The following SYNPR variants were observed in gnomAD, a reference collection of about 807,000 sequenced individuals.
SYNPR encodes the protein synaptoporin.
A neutral mutation model predicts 32.9 loss-of-function variants in SYNPR; 23 were observed. That is an observed-to-expected ratio of 0.70 (90% CI 0.50 to 0.99). The LOEUF (loss-of-function observed/expected upper bound fraction) is 0.99, where lower values mean the gene tolerates loss of function less well. SYNPR is among the 50% of genes least tolerant of loss of function. SYNPR has a pLI of 0.00. For missense variants in SYNPR, 318 were observed against 349.3 expected (o/e 0.91, Z 0.71); for synonymous variants, 146 against 135.9 (o/e 1.07, Z -0.52).
upstream of SYNPR, among the ~76,000 whole-genome samples, chr3:63,224,174 C>T (rs969508291): frequency 6.6e-5 from 10 of 152,276 alleles, no homozygotes; most frequent in African/African-American, 2.4e-4. Context: ...GAGTGGCAGG[C>T]AAGCCAGCAT....
chr3:63,475,720 C>G (rs1054853803), intron 2 of SYNPR, among the ~76,000 whole-genome samples: 1 of 152,108 alleles, frequency 6.6e-6, no homozygotes, highest in Non-Finnish European at 1.5e-5. Flanking sequence ...ACACCAACCC[C>G]CTCACACTGT....
At chr3:63,492,355 T>G (rs2106718326) in intron 3 of SYNPR, among the ~76,000 whole-genome samples, 1 of 152,220 alleles carries the variant, frequency 6.6e-6, no homozygotes, top group Non-Finnish European at 1.5e-5. Flanking sequence ...TAAGAGAGAG[T>G]TAGACCTCTA....
chr3:63,467,690 A>G (rs1487369528), intron 2 of SYNPR, among the ~76,000 whole-genome samples: 1 of 152,230 alleles, frequency 6.6e-6, no homozygotes, highest in Non-Finnish European at 1.5e-5. Context: ...AATACCACAT[A>G]ACAATATGCT....
the SYNPR span, among the ~76,000 whole-genome samples, chr3:63,209,012 C>G: frequency 6.6e-6 from 1 of 152,044 alleles, no homozygotes; most frequent in Non-Finnish European, 1.5e-5. Context: ...TCTCCTCTAA[C>G]GTTTACCTTA....
chr3:63,376,664 A>G (rs1478762954), intron 2 of SYNPR, among the ~76,000 whole-genome samples: 3 of 152,120 alleles, frequency 2.0e-5, no homozygotes, highest in Non-Finnish European at 4.4e-5. Flanking sequence ...GAATCTGAGA[A>G]GATTCTTCTG....
chr3:63,557,195 G>C (rs1219290558), intron 4 of SYNPR, among the ~76,000 whole-genome samples: 1 of 151,974 alleles, frequency 6.6e-6, no homozygotes, highest in Admixed American at 6.6e-5. Flanking sequence ...AATGGTCCAA[G>C]GACTCATATG....
At chr3:63,254,988 C>T (rs765362694) in intron 2 of SYNPR, among the ~76,000 whole-genome samples, 1 of 152,244 alleles carries the variant, frequency 6.6e-6, no homozygotes, top group South Asian at 2.1e-4. Context: ...TGCCTTTAGA[C>T]ACCTTGATCT....
chr3:63,348,531 T>C (rs1212674234), intron 2 of SYNPR, among the ~76,000 whole-genome samples: 3 of 152,226 alleles, frequency 2.0e-5, no homozygotes, highest in Non-Finnish European at 4.4e-5. Flanking sequence ...GCTTTTTAGT[T>C]TAATTAAGTC....
At chr3:63,387,847 G>A (rs905337459) in intron 2 of SYNPR, among the ~76,000 whole-genome samples, 10 of 152,190 alleles carry the variant, frequency 6.6e-5, no homozygotes, top group Admixed American at 5.9e-4. Flanking sequence ...TACTGAGACC[G>A]ACTGCTATGT....
intron 2 of SYNPR, among the ~76,000 whole-genome samples, chr3:63,411,924 T>C (rs939401781): frequency 6.6e-6 from 1 of 152,056 alleles, no homozygotes; most frequent in Non-Finnish European, 1.5e-5. Context: ...ATTTTGACCA[T>C]AGTAGGAACA....
At chr3:63,487,049 C>T (rs183306418) in intron 3 of SYNPR, among the ~76,000 whole-genome samples, 1 of 152,244 alleles carries the variant, frequency 6.6e-6, no homozygotes, top group East Asian at 1.9e-4. Flanking sequence ...AACCTTACAA[C>T]CTTTCTCCTC....
chr3:63,317,348 A>G (rs1413740854), intron 2 of SYNPR, among the ~76,000 whole-genome samples: 1 of 151,658 alleles, frequency 6.6e-6, no homozygotes, highest in East Asian at 2.0e-4. Context: ...GTCCCTCACT[A>G]TTATTGTGTT....
At chr3:63,540,437 T>C (rs1022707016) in intron 3 of SYNPR, among the ~76,000 whole-genome samples, 2 of 151,920 alleles carry the variant, frequency 1.3e-5, no homozygotes, top group African/African-American at 2.4e-5. Flanking sequence ...GTCCTCAAAG[T>C]TGGGGAAAAT....
chr3:63,418,426 C>T (rs1320838473), intron 2 of SYNPR, among the ~76,000 whole-genome samples: 1 of 152,178 alleles, frequency 6.6e-6, no homozygotes, highest in African/African-American at 2.4e-5. Flanking sequence ...ACTGTTCCAA[C>T]CCCTGCCTGT....
intron 2 of SYNPR, among the ~76,000 whole-genome samples, chr3:63,297,071 G>A (rs1217624180): frequency 6.6e-6 from 1 of 152,200 alleles, no homozygotes; most frequent in Non-Finnish European, 1.5e-5. Flanking sequence ...CAGCAAAAGT[G>A]TAGAGAATTG....
chr3:63,473,457 G>A (rs1008130453), intron 2 of SYNPR, among the ~76,000 whole-genome samples: 1 of 152,146 alleles, frequency 6.6e-6, no homozygotes, highest in African/African-American at 2.4e-5. Flanking sequence ...CCAACTTCAT[G>A]CCAAGCACTG....
At chr3:63,550,924 C>T (rs757499296) in intron 3 of SYNPR, among the ~76,000 whole-genome samples, 25 of 152,236 alleles carry the variant, frequency 1.6e-4, no homozygotes, top group Non-Finnish European at 3.2e-4. Flanking sequence ...CCTTTCCCAC[C>T]ATCTTCCAGT....
chr3:63,256,913 G>C (rs546957230), intron 2 of SYNPR, among the ~76,000 whole-genome samples: 1 of 152,146 alleles, frequency 6.6e-6, no homozygotes, highest in Admixed American at 6.5e-5. Flanking sequence ...CGAGAACTAC[G>C]TGACGAATGC....
intron 3 of SYNPR, among the ~76,000 whole-genome samples, chr3:63,484,796 A>G (rs1701114182): frequency 6.6e-6 from 1 of 152,212 alleles, no homozygotes; most frequent in African/African-American, 2.4e-5. Flanking sequence ...TGTGATTTGA[A>G]TAAAAACAAG....
Sources: allele counts gnomAD v4.1 joint callset (sites outside exome capture counted in the v4.1 genomes callset), GRCh38; gene constraint gnomAD v4.1.1; transcripts MANE v1.5; gene names NCBI Gene and HGNC (gene_info 2026-07-23, HGNC 2026-07-21).